The following CHLSN variants were observed in gnomAD, a reference collection of about 807,000 sequenced individuals.
CHLSN encodes the protein protein cholesin.
At chr7:1,016,832 G>A in the CHLSN span, among the ~76,000 whole-genome samples, 5 of 117,698 alleles carry the variant, frequency 4.2e-5, no homozygotes, top group Non-Finnish European at 6.7e-5. Context: ...GCAGCGCACA[G>A]CAGCGCACGC....
chr7:1,086,931 G>C, the CHLSN span: 5 of 152,348 alleles, frequency 3.3e-5, no homozygotes, highest in African/African-American at 1.2e-4. Flanking sequence ...TTCTGAGGAA[G>C]ACCCACCCCT....
At chr7:1,098,417 C>A in the CHLSN span, among the ~76,000 whole-genome samples, 1 of 152,218 alleles carries the variant, frequency 6.6e-6, no homozygotes, top group Non-Finnish European at 1.5e-5. Flanking sequence ...ATCAATCTAT[C>A]CAACAGTGGA....
the CHLSN span, chr7:997,678 G>T: frequency 6.2e-7 from 1 of 1,610,470 alleles, no homozygotes; most frequent in African/African-American, 1.3e-5. Flanking sequence ...CCCGGCAGGG[G>T]GGGATCAGAG....
the CHLSN span, among the ~76,000 whole-genome samples, chr7:1,088,607 C>T: frequency 6.6e-6 from 1 of 152,192 alleles, no homozygotes; most frequent in South Asian, 2.1e-4. The surrounding 1 kb of genome is among the most constrained non-coding windows in gnomAD (Gnocchi z 4.5). Context: ...CCAGCAAGAA[C>T]GTGTCTCACT....
chr7:990,621 GGGCTGCTGCTACGGA>G, the CHLSN span, among the ~76,000 whole-genome samples: 2 of 152,034 alleles, frequency 1.3e-5, no homozygotes, highest in African/African-American at 4.8e-5. Flanking sequence ...GTCATGGGTG[GGGCTGCTGCTACGGA>G]GGCTGCTGCA....
At chr7:1,014,577 T>C in the CHLSN span, among the ~76,000 whole-genome samples, 1 of 152,072 alleles carries the variant, frequency 6.6e-6, no homozygotes, top group Non-Finnish European at 1.5e-5. Flanking sequence ...CTGGCAAAAA[T>C]AAAAACCATC....
At chr7:1,079,860 TG>T in the CHLSN span, among the ~76,000 whole-genome samples, 2 of 152,216 alleles carry the variant, frequency 1.3e-5, no homozygotes, top group Non-Finnish European at 2.9e-5. Flanking sequence ...TCTGAAGGGT[TG>T]TTTAAGCAGC....
the CHLSN span, among the ~76,000 whole-genome samples, chr7:1,136,488 A>G: frequency 4.8e-5 from 6 of 123,802 alleles, 1 homozygote; most frequent in African/African-American, 1.7e-4. Context: ...ATAAACATAT[A>G]TAAACATATA....
At chr7:1,001,236 C>T in the CHLSN span, among the ~76,000 whole-genome samples, 11 of 152,240 alleles carry the variant, frequency 7.2e-5, no homozygotes, top group African/African-American at 2.7e-4. Flanking sequence ...AGTGTGCAAG[C>T]CCAGGTCTGA....
the CHLSN span, among the ~76,000 whole-genome samples, chr7:1,120,346 C>G: frequency 6.6e-6 from 1 of 152,144 alleles, no homozygotes; most frequent in South Asian, 2.1e-4. Context: ...CGCTCTGTCA[C>G]CCAGGCTGGA....
At chr7:1,134,878 A>AAAAT in the CHLSN span, among the ~76,000 whole-genome samples, 43 of 151,842 alleles carry the variant, frequency 2.8e-4, no homozygotes, top group African/African-American at 9.0e-4. Flanking sequence ...CTCCTTCTCA[A>AAAAT]AAATAAATAA....
the CHLSN span, chr7:984,814 G>A: frequency 7.7e-7 from 1 of 1,296,340 alleles, no homozygotes; most frequent in Non-Finnish European, 1.0e-6. Flanking sequence ...CCAGCCCAGG[G>A]GGACGGGAGT....
At chr7:1,127,472 C>G in the CHLSN span, 1 of 1,209,628 alleles carries the variant, frequency 8.3e-7, no homozygotes, top group Non-Finnish European at 1.1e-6. Flanking sequence ...AGGTAGGGCA[C>G]TCTCCCATTA....
the CHLSN span, among the ~76,000 whole-genome samples, chr7:1,009,656 T>C: frequency 6.6e-6 from 1 of 152,140 alleles, no homozygotes; most frequent in Non-Finnish European, 1.5e-5. Flanking sequence ...CGTGGATTCT[T>C]CCTGTGGTGA....
chr7:988,807 G>A, the CHLSN span: 548 of 1,583,222 alleles, frequency 3.5e-4, 1 homozygote, highest in African/African-American at 6.4e-3. Flanking sequence ...CCCTGTGTGC[G>A]GTGCCCAGGC....
At chr7:1,104,679 C>T in the CHLSN span, among the ~76,000 whole-genome samples, 129 of 152,312 alleles carry the variant, frequency 8.5e-4, no homozygotes, top group African/African-American at 3.0e-3. Context: ...GAGACGTGAG[C>T]CGGGTGCCTG....
At chr7:1,022,980 G>A in the CHLSN span, 1 of 473,598 alleles carries the variant, frequency 2.1e-6, no homozygotes, top group Non-Finnish European at 4.2e-6. Flanking sequence ...GGCGCTCACA[G>A]GCAGGCACAC....
At chr7:995,731 C>A in the CHLSN span, among the ~76,000 whole-genome samples, 5 of 152,250 alleles carry the variant, frequency 3.3e-5, no homozygotes, top group Non-Finnish European at 7.3e-5. Flanking sequence ...GTGCAACGTG[C>A]CTTCCTGTTT....
chr7:1,093,066 T>C, the CHLSN span: 3 of 703,700 alleles, frequency 4.3e-6, no homozygotes, highest in South Asian at 1.5e-5. Context: ...TCACACAGAA[T>C]TGCTACAATC....
Sources: gnomAD v4.1 joint callset for allele counts (sites outside exome capture counted in the v4.1 genomes callset) on GRCh38, gnomAD v4.1.1 for gene constraint, Gnocchi (gnomAD v3.1) non-coding constraint, MANE v1.5 for transcripts, NCBI Gene and HGNC (gene_info 2026-07-23, HGNC 2026-07-21) for gene names.